PTPRO: variants seen among roughly 807,000 people sequenced by gnomAD.
PTPRO encodes the protein receptor-type tyrosine-protein phosphatase O.
A neutral mutation model predicts 145.2 loss-of-function variants in PTPRO; 62 were observed. The observed-to-expected ratio is 0.43, with a 90% confidence interval of 0.35 to 0.53. PTPRO has a LOEUF of 0.53. Among genes scored for constraint, PTPRO ranks in the 20% least tolerant of loss-of-function variants. PTPRO has a pLI of 0.01. For missense variants in PTPRO, 1,345 were observed against 1,482.7 expected, an observed-to-expected ratio of 0.91 and a Z score of 1.53; for synonymous variants, 565 against 514.7, an observed-to-expected ratio of 1.10 and a Z score of -1.32.
intron 12 of PTPRO, among the ~76,000 whole-genome samples, chr12:15,541,269 G>A (rs1406066057): frequency 6.6e-6 from 1 of 152,120 alleles, no homozygotes; most frequent in Non-Finnish European, 1.5e-5. Flanking sequence ...AAGTGTTTGT[G>A]TATGCATTGT....
chr12:15,582,861 G>T (rs1320413801), intron 23 of PTPRO, among the ~76,000 whole-genome samples: 1 of 152,080 alleles, frequency 6.6e-6, no homozygotes, highest in Non-Finnish European at 1.5e-5. Flanking sequence ...TTCTCACAAG[G>T]CCTGACACCT....
chr12:15,551,740 T>G, intron 15 of PTPRO, 69 bp downstream of exon 15: 1 of 1,534,058 alleles, frequency 6.5e-7, no homozygotes, highest in African/African-American at 1.4e-5. Context: ...ATATATATTG[T>G]TTTTGCACAC....
Position 15,497,326 on chromosome 12 carries a change from C to G in PTPRO, c.431C>G (p.Pro144Arg). The change falls in exon 3 of 27, where the codon CCA (proline) becomes CGA (arginine). Residue 144 changes from proline (P) to arginine (R), a missense_variant. Physicochemically the swap from Pro to Arg is moderately radical, Grantham distance 103. Transcript: ENST00000281171. ...GGAGTCCTGTTTGAAATACATTATC[C>G]AGAAAAATATAACGTTTTCACAAGA... is the stretch of plus-strand genomic sequence containing the variant. ...ETGVLFEIHY[P>R]EKYNVFTRVN... 6.2e-7 allele frequency: 1 copy of G among 1,607,724 alleles called. No individual in the cohort carries two copies. The highest frequency in any genetic ancestry group is 1.1e-5 in the South Asian group (1 of 90,938).
intron 16 of PTPRO, 114 bp from the exon 17 acceptor site, chr12:15,560,079 G>C: frequency 1.3e-6 from 1 of 783,534 alleles, no homozygotes; most frequent in South Asian, 1.4e-5. Flanking sequence ...TAATTAAGGT[G>C]CTTGTCATAT....
chr12:15,448,579 G>A (rs746618170), intron 1 of PTPRO, among the ~76,000 whole-genome samples: 1 of 152,032 alleles, frequency 6.6e-6, no homozygotes, highest in African/African-American at 2.4e-5. Context: ...GTTGATGGGA[G>A]TGTAAATTGC....
At chr12:15,341,937 T>C (rs548783696) in intron 1 of PTPRO, among the ~76,000 whole-genome samples, 1 of 152,332 alleles carries the variant, frequency 6.6e-6, no homozygotes, top group Admixed American at 6.5e-5. Flanking sequence ...GAGGTCTAAA[T>C]GAGCTAATCT....
At chr12:15,377,200 G>T (rs745878145) in intron 1 of PTPRO, among the ~76,000 whole-genome samples, 3 of 151,910 alleles carry the variant, frequency 2.0e-5, no homozygotes, top group African/African-American at 7.3e-5. Flanking sequence ...AAAAATTATA[G>T]TAAAAGAAAC....
chr12:15,338,113 T>C (rs560429470), intron 1 of PTPRO, among the ~76,000 whole-genome samples: 2 of 152,356 alleles, frequency 1.3e-5, no homozygotes, highest in East Asian at 3.9e-4. Flanking sequence ...TTTCACCTTT[T>C]GGATTTTTCT....
chr12:15,583,259 A>G (rs1290313166), intron 23 of PTPRO, among the ~76,000 whole-genome samples: 1 of 152,174 alleles, frequency 6.6e-6, no homozygotes, highest in African/African-American at 2.4e-5. Flanking sequence ...AGGCGAGCAG[A>G]TCACTTAAGC....
intron 7 of PTPRO, 33 bp downstream of exon 7, chr12:15,508,800 G>T (rs748046324): frequency 6.2e-7 from 1 of 1,604,134 alleles, no homozygotes; most frequent in Non-Finnish European, 8.5e-7. Flanking sequence ...GGGCTCGCCG[G>T]TCCTTCCTAA....
intron 20 of PTPRO, 79 bp downstream of exon 20, chr12:15,579,022 A>C (rs900873797): frequency 7.7e-7 from 1 of 1,295,716 alleles, no homozygotes; most frequent in African/African-American, 1.5e-5. Flanking sequence ...CAATTTCACC[A>C]ATCTCTGGCC....
chr12:15,582,760 G>A (rs1307049478), intron 23 of PTPRO, among the ~76,000 whole-genome samples: 1 of 151,928 alleles, frequency 6.6e-6, no homozygotes, highest in Non-Finnish European at 1.5e-5. Context: ...TATTTGTAAG[G>A]TACTTCTAGG....
chr12:15,503,891 T>C lies in PTPRO; in HGVS notation c.1106-17T>C. Reference sequence around the variant, plus strand: ...GGTGTCTATTCATGTATCTTCTCTTTTTTATATATGATTTAGAGAACTTTA... The same window carrying C: ...GGTGTCTATTCATGTATCTTCTCTTCTTTATATATGATTTAGAGAACTTTA... On this transcript the variant is annotated splice_polypyrimidine_tract_variant and intron_variant, in intron 5 of 26. Coordinates refer to ENST00000281171, the MANE Select transcript of PTPRO (RefSeq NM_030667.3). The C allele has an allele frequency of 6.5e-7, 1 of 1,549,572 alleles. No homozygotes were observed. The highest frequency in any genetic ancestry group is 8.9e-7 in the Non-Finnish European group (1 of 1,123,022).
intron 1 of PTPRO, among the ~76,000 whole-genome samples, chr12:15,450,590 A>G (rs779276219): frequency 5.9e-5 from 9 of 152,118 alleles, no homozygotes; most frequent in Admixed American, 1.3e-4. Context: ...CTAGGGCAAC[A>G]TGGTGAAACT....
intron 1 of PTPRO, among the ~76,000 whole-genome samples, chr12:15,406,088 T>G (rs891794863): frequency 2.6e-5 from 4 of 152,198 alleles, no homozygotes; most frequent in African/African-American, 7.2e-5. Flanking sequence ...TGGCCTACCA[T>G]CCCACAAGAA....
intron 1 of PTPRO, among the ~76,000 whole-genome samples, chr12:15,374,756 A>G (rs1344084007): frequency 6.6e-6 from 1 of 152,202 alleles, no homozygotes. Context: ...GGGGTGAACA[A>G]GAGCCTGAAC....
At chr12:15,585,711 C>A in intron 23 of PTPRO, among the ~76,000 whole-genome samples, 1 of 152,124 alleles carries the variant, frequency 6.6e-6, no homozygotes, top group Non-Finnish European at 1.5e-5. Context: ...AGTATTCCAG[C>A]CTCTGAGTGA....
At chr12:15,508,545 CCT>C (rs780004099) in intron 6 of PTPRO, 24 bp from the exon 7 acceptor site, 3 of 1,608,862 alleles carry the variant, frequency 1.9e-6, no homozygotes, top group South Asian at 1.1e-5. Flanking sequence ...TGCAGCCTCC[CCT>C]GTGTTCCAAT....
At chr12:15,498,361 C>A (rs1332377215) in intron 3 of PTPRO, among the ~76,000 whole-genome samples, 1 of 152,112 alleles carries the variant, frequency 6.6e-6, no homozygotes, top group Non-Finnish European at 1.5e-5. Flanking sequence ...TTGAGACCAG[C>A]CTGGCTAACA....
Sources: allele counts gnomAD v4.1 joint callset (sites outside exome capture counted in the v4.1 genomes callset), GRCh38; gene constraint gnomAD v4.1.1; transcripts MANE v1.5; gene names NCBI Gene and HGNC (gene_info 2026-07-23, HGNC 2026-07-21).